MAN2A1: variants seen among roughly 807,000 people sequenced by gnomAD.
The protein encoded by MAN2A1 is mannosidase alpha class 2A member 1, also known as alpha-mannosidase 2.
MAN2A1 carries 76 observed loss-of-function variants against 142.6 expected under a neutral mutation model. The observed-to-expected ratio is 0.53, with a 90% CI of 0.44 to 0.65. The LOEUF is 0.65. Among genes scored for constraint, MAN2A1 ranks in the 30% least tolerant of loss-of-function variants. MAN2A1 has a pLI of 0.00. For missense variants in MAN2A1, 1,311 were observed against 1,365.1 expected, an observed-to-expected ratio of 0.96 and a Z score of 0.62; for synonymous variants, 559 against 473.2, an observed-to-expected ratio of 1.18 and a Z score of -2.35.
chr5:109,698,921 T>G (rs1378158480), intron 1 of MAN2A1, among the ~76,000 whole-genome samples: 1 of 152,216 alleles, frequency 6.6e-6, no homozygotes, highest in Admixed American at 6.5e-5. Context: ...TTTCTTTATG[T>G]TCCATGTGTG....
intron 4 of MAN2A1, among the ~76,000 whole-genome samples, chr5:109,744,079 A>G (rs1392518899): frequency 1.3e-5 from 2 of 152,002 alleles, no homozygotes; most frequent in Non-Finnish European, 2.9e-5. Context: ...ACTCATTTTT[A>G]ACACTCAGCT....
rs112874589 is a variant in MAN2A1 at position 109,867,246 on chromosome 5, T to C, written c.*248T>C. ...CATGAACTACCACCATCAGTATGAA[T>C]TGATGCAACAAATGAAGAAATATTT... On this transcript the variant is annotated 3_prime_UTR_variant, in exon 22 of 22. Coordinates refer to ENST00000261483, the MANE Select transcript of MAN2A1 (RefSeq NM_002372.4). 5.4e-5 allele frequency: 15 copies of C among 279,134 alleles called. No homozygotes were observed. The highest frequency in any genetic ancestry group is 1.5e-4 in the Admixed American group (3 of 19,550). 17.3% of individuals were successfully genotyped at this position (279,134 alleles called of 1,614,324 possible).
chr5:109,865,132 A>G lies in MAN2A1; in HGVS notation c.3268A>G (p.Thr1090Ala). ...SSKGTGLFCS[T>A]TQGKILVQKL... Reference sequence around the variant, plus strand: ...CAAAGGCACAGGGCTGTTTTGTTCTACTACTCAGGGAAAGGTAAGTTGAAA... The same window carrying G: ...CAAAGGCACAGGGCTGTTTTGTTCTGCTACTCAGGGAAAGGTAAGTTGAAA... The change falls in exon 21 of 22, where the codon ACT becomes GCT. Residue 1090 changes from threonine to alanine, a missense_variant. Around this residue, in one of 3 missense-constraint regions of MAN2A1, gnomAD observed 890 missense variants for 920.5 expected, o/e 0.97. Transcript: ENST00000261483. The G allele has an allele frequency of 2.5e-6, 4 of 1,613,124 alleles. No individual in the cohort carries two copies. Among genetic ancestry groups the G allele is most frequent in the Non-Finnish European group, 3.4e-6 (4 of 1,179,126 alleles).
intron 3 of MAN2A1, among the ~76,000 whole-genome samples, chr5:109,725,801 T>C (rs754594273): frequency 3.8e-4 from 58 of 152,168 alleles, no homozygotes; most frequent in Admixed American, 1.1e-3. Flanking sequence ...GAGCTCAAAA[T>C]TTTAAAAATA....
At chr5:109,690,673 G>C (rs1020947390) in intron 1 of MAN2A1, 121 bp downstream of exon 1, 26 of 1,148,500 alleles carry the variant, frequency 2.3e-5, no homozygotes, top group Non-Finnish European at 3.0e-5. Context: ...GGCGAGGCCA[G>C]GGGCTCTGTA....
intron 7 of MAN2A1, 133 bp from the exon 8 acceptor site, chr5:109,774,655 A>T (rs914068926): frequency 4.7e-6 from 3 of 636,528 alleles, no homozygotes; most frequent in South Asian, 4.0e-5. Context: ...CCTTGCAGAT[A>T]GATAAAATAT....
chr5:109,804,751 C>T (rs997142638), intron 12 of MAN2A1, among the ~76,000 whole-genome samples: 2 of 152,060 alleles, frequency 1.3e-5, no homozygotes, highest in African/African-American at 4.8e-5. Flanking sequence ...TTGTTTTCTC[C>T]TCTATTCACC....
chr5:109,705,697 A>T (rs529654452), intron 1 of MAN2A1, among the ~76,000 whole-genome samples: 11 of 152,256 alleles, frequency 7.2e-5, no homozygotes, highest in Non-Finnish European at 1.6e-4. Context: ...TCTTTAGGTC[A>T]GAAGTCTGAA....
intron 21 of MAN2A1, 127 bp downstream of exon 21, chr5:109,865,273 T>C (rs1371277034): frequency 2.9e-6 from 2 of 694,328 alleles, no homozygotes; most frequent in East Asian, 2.8e-5. Flanking sequence ...GTCTGCAAAT[T>C]AGTTTGAATC....
intron 16 of MAN2A1, among the ~76,000 whole-genome samples, chr5:109,825,320 A>G (rs1223969938): frequency 1.3e-5 from 2 of 152,176 alleles, no homozygotes; most frequent in Admixed American, 6.5e-5. Flanking sequence ...GGAGTACAAC[A>G]TGGCACACAC....
intron 20 of MAN2A1, among the ~76,000 whole-genome samples, chr5:109,858,377 G>A (rs1755676237): frequency 6.6e-6 from 1 of 152,154 alleles, no homozygotes; most frequent in Admixed American, 6.5e-5. Context: ...GGGAACTGTT[G>A]TGGGTATTGA....
At chr5:109,822,957 C>G (rs1754667008) in intron 15 of MAN2A1, among the ~76,000 whole-genome samples, 1 of 152,132 alleles carries the variant, frequency 6.6e-6, no homozygotes. Flanking sequence ...GGTTACAAGG[C>G]GTGAGCCACG....
At chr5:109,853,915 T>TA (rs1358925857) in intron 19 of MAN2A1, 1 of 152,050 alleles carries the variant, frequency 6.6e-6, no homozygotes, top group Non-Finnish European at 1.5e-5. Context: ...TCTGCTGTCT[T>TA]AAAATTTTTT....
intron 1 of MAN2A1, among the ~76,000 whole-genome samples, chr5:109,697,730 T>C (rs1024224804): frequency 8.5e-5 from 13 of 152,212 alleles, no homozygotes; most frequent in African/African-American, 3.1e-4. Context: ...AGTTTGCCAA[T>C]CCCTAGTTTA....
chr5:109,842,495 T>G, intron 17 of MAN2A1, 34 bp downstream of exon 17: 2 of 1,395,360 alleles, frequency 1.4e-6, no homozygotes, highest in Middle Eastern at 2.3e-4. Context: ...AAGTAATGGT[T>G]GTATTGGTGT....
chr5:109,737,958 C>G (rs752521143), intron 4 of MAN2A1, among the ~76,000 whole-genome samples: 8 of 152,088 alleles, frequency 5.3e-5, no homozygotes, highest in East Asian at 1.9e-4. Flanking sequence ...GCTCATAACC[C>G]TTGATGAACT....
At chr5:109,776,100 T>C (rs1180646041) in intron 8 of MAN2A1, among the ~76,000 whole-genome samples, 2 of 151,590 alleles carry the variant, frequency 1.3e-5, no homozygotes, top group African/African-American at 2.4e-5. Flanking sequence ...AAATGTGTCT[T>C]AGAGACTCTA....
intron 4 of MAN2A1, among the ~76,000 whole-genome samples, chr5:109,750,317 G>A (rs1752511745): frequency 1.3e-5 from 2 of 152,112 alleles, no homozygotes; most frequent in Admixed American, 6.6e-5. Flanking sequence ...GCTCAACACA[G>A]TAAATATTTT....
chr5:109,772,213 G>A (rs1753165873), intron 7 of MAN2A1, among the ~76,000 whole-genome samples: 1 of 151,976 alleles, frequency 6.6e-6, no homozygotes, highest in Non-Finnish European at 1.5e-5. Flanking sequence ...TGGGCAACAT[G>A]GTAAAACCCC....
Sources: allele counts gnomAD v4.1 joint callset (sites outside exome capture counted in the v4.1 genomes callset), GRCh38; gene constraint gnomAD v4.1.1; regional missense constraint gnomAD v4.1.1; transcripts MANE v1.5; gene names NCBI Gene and HGNC (gene_info 2026-07-23, HGNC 2026-07-21).